TEX9: variants seen among roughly 807,000 people sequenced by gnomAD.
TEX9 encodes the protein testis-expressed protein 9.
A neutral mutation model predicts 59.6 loss-of-function variants in TEX9; 74 were observed. That is an observed-to-expected ratio of 1.24 (90% CI 1.03 to 1.51). The LOEUF is 1.51. Ranked by LOEUF, TEX9 falls within the 40% of genes most tolerant of loss-of-function variation. TEX9 has a pLI of 0.00. For synonymous variants in TEX9, 186 were observed against 152.2 expected (o/e 1.22, Z -1.64); for missense variants, 522 against 447.8 (o/e 1.17, Z -1.49).
chr15:56,395,125 C>T (rs2048402232), intron 9 of TEX9: 1 of 380,096 alleles, frequency 2.6e-6, no homozygotes, highest in Admixed American at 4.4e-5. Context: ...CACACCCTGA[C>T]CCTGCTCCCC....
rs1197886037 is a variant in TEX9 at position 56,430,155 on chromosome 15, G to A, written c.*29+1682G>A. ...TGAAATGGCATTTCTATAGCTGAAA[G>A]ATGGCGATCTTATTTATATGAGTCT... On this transcript the variant is annotated intron_variant, in intron 12 of 12. Transcript: ENST00000352903. 6.6e-6 allele frequency: 1 copy of A among 152,094 alleles called. No individual in the cohort carries two copies. The highest frequency in any genetic ancestry group is 1.5e-5 in the Non-Finnish European group (1 of 68,020). The allele number at this position is 152,094 out of a possible 1,614,324, so 9.4% of individuals were successfully genotyped here.
At chr15:56,272,562 CT>C (rs1468341369) in intron 1 of TEX9, among the ~76,000 whole-genome samples, 1 of 152,178 alleles carries the variant, frequency 6.6e-6, no homozygotes, top group African/African-American at 2.4e-5. Flanking sequence ...AATAATGCTG[CT>C]ATGAACATTC....
Position 56,409,182 on chromosome 15 carries a change from C to T in TEX9, c.829-3120C>T, listed in dbSNP as rs531536065. On this transcript the variant is annotated intron_variant, in intron 9 of 12. Transcript: ENST00000352903. ...CTGCACTCCAGCCTGAGCCACAGAG[C>T]GAGACTCCGTCTCAAAAAAAAAAAA... Among the ~76,000 whole-genome samples the T allele has an allele frequency of 1.3e-4, 20 of 150,932 alleles. No homozygotes were observed. In the East Asian group the frequency reaches 2.9e-3, roughly 22 times the overall value.
At chr15:56,329,827 A>G (rs1294834649) in intron 1 of TEX9, among the ~76,000 whole-genome samples, 1 of 152,166 alleles carries the variant, frequency 6.6e-6, no homozygotes. Flanking sequence ...CAAATCTAAG[A>G]GCTATTAGCC....
At chr15:56,406,566 C>T (rs1254289728) in intron 9 of TEX9, among the ~76,000 whole-genome samples, 2 of 152,142 alleles carry the variant, frequency 1.3e-5, no homozygotes, top group Non-Finnish European at 2.9e-5. Context: ...TTCCCACTAG[C>T]AATATATGAG....
chr15:56,369,345 A>T (rs577307269), intron 2 of TEX9, among the ~76,000 whole-genome samples: 8 of 145,830 alleles, frequency 5.5e-5, no homozygotes, highest in African/African-American at 2.0e-4. Flanking sequence ...GCATGGCACC[A>T]TGCCATGCTA....
chr15:56,358,049 G>C (rs1361448968), intron 1 of TEX9, among the ~76,000 whole-genome samples: 1 of 152,084 alleles, frequency 6.6e-6, no homozygotes, highest in African/African-American at 2.4e-5. Flanking sequence ...ATTTGTGTTT[G>C]AATCTGCTAG....
rs993764431 is a variant in TEX9 at position 56,394,458 on chromosome 15, A to G, written c.655-203A>G. 6.9e-5 allele frequency: 43 copies of G among 625,846 alleles called. 1 individual carries two copies. Among genetic ancestry groups the G allele is most frequent in the Middle Eastern group, 4.3e-4 (1 of 2,332 alleles). 38.8% of individuals were successfully genotyped at this position (625,846 alleles called of 1,614,324 possible). The stretch of plus-strand genomic sequence containing the variant: ...ATTCTTGCTACAATTAGAATTCTCT[A>G]TATTAGTCTTACAAATGTAGTGTAA... On this transcript the variant is annotated intron_variant, in intron 8 of 12. Coordinates refer to ENST00000352903, the Ensembl canonical transcript of TEX9.
chr15:56,422,385 G>C (rs1416341924), intron 10 of TEX9, among the ~76,000 whole-genome samples: 4 of 151,658 alleles, frequency 2.6e-5, no homozygotes, highest in African/African-American at 9.7e-5. Flanking sequence ...TGTTGTTTTA[G>C]TTGGCCCGTA....
At chr15:56,358,154 T>C (rs1470917423) in intron 1 of TEX9, among the ~76,000 whole-genome samples, 2 of 152,178 alleles carry the variant, frequency 1.3e-5, no homozygotes, top group East Asian at 3.9e-4. Flanking sequence ...ATATTGCTGT[T>C]GATGTAAGCC....
intron 9 of TEX9, among the ~76,000 whole-genome samples, chr15:56,401,308 C>CAAAAAAAAAAAAAAAA (rs1207055803): frequency 3.0e-4 from 14 of 46,776 alleles, no homozygotes; most frequent in African/African-American, 5.0e-4. Flanking sequence ...AAATTGAAAG[C>CAAAAAAAAAAAAAAAA]AAAAAAAAAA....
At chr15:56,337,026 G>A (rs115534928) in intron 1 of TEX9, among the ~76,000 whole-genome samples, 2,099 of 152,258 alleles carry the variant, frequency 0.014, 53 homozygotes, top group African/African-American at 0.048. Context: ...CGCTTGTACA[G>A]CTTGTATCCT....
At chr15:56,330,213 A>C (rs1212051268) in intron 1 of TEX9, among the ~76,000 whole-genome samples, 3 of 152,176 alleles carry the variant, frequency 2.0e-5, no homozygotes, top group Non-Finnish European at 4.4e-5. Flanking sequence ...AGAAATAAAC[A>C]CTTTCCCTGA....
At chr15:56,404,023 A>T (rs912302347) in intron 9 of TEX9, among the ~76,000 whole-genome samples, 2 of 152,232 alleles carry the variant, frequency 1.3e-5, no homozygotes, top group Non-Finnish European at 2.9e-5. Flanking sequence ...TAAAACCATA[A>T]AATCCCTGGA....
At chr15:56,417,904 T>C (rs2049775385) in intron 10 of TEX9, among the ~76,000 whole-genome samples, 1 of 151,992 alleles carries the variant, frequency 6.6e-6, no homozygotes. Flanking sequence ...AATTAGGTCT[T>C]ACTGAATTCA....
chr15:56,347,421 C>A (rs1454563523), intron 1 of TEX9, among the ~76,000 whole-genome samples: 2 of 151,630 alleles, frequency 1.3e-5, no homozygotes, highest in African/African-American at 2.4e-5. Context: ...AGAAAGGGAG[C>A]CAGAAAAATA....
the TEX9 span, among the ~76,000 whole-genome samples, chr15:56,460,003 A>ATATATATATATATATATATAT: frequency 4.3e-4 from 14 of 32,856 alleles, 2 homozygotes; most frequent in African/African-American, 1.6e-3. Context: ...AAAAAAAAAA[A>ATATATATATATATATATATAT]AAAAAAATAC....
At chr15:56,279,986 T>C (rs1480490296) in intron 1 of TEX9, among the ~76,000 whole-genome samples, 3 of 152,246 alleles carry the variant, frequency 2.0e-5, no homozygotes, top group Non-Finnish European at 4.4e-5. Context: ...CAATAAGCTG[T>C]AGCTCCCAGT....
chr15:56,274,605 A>G (rs2044626475), intron 1 of TEX9: 1 of 152,134 alleles, frequency 6.6e-6, no homozygotes, highest in Non-Finnish European at 1.5e-5. Context: ...GTATCATTCC[A>G]ATTTTAGTGT....
Sources: allele counts gnomAD v4.1 joint callset (sites outside exome capture counted in the v4.1 genomes callset), GRCh38; gene constraint gnomAD v4.1.1; transcripts MANE v1.5; gene names NCBI Gene and HGNC (gene_info 2026-07-23, HGNC 2026-07-21).